The following GALNT13 variants were observed in gnomAD, a reference collection of about 807,000 sequenced individuals.
GALNT13 encodes UDP-GalNAc:polypeptide N-acetylgalactosaminyltransferase 13.
GALNT13 carries 28 observed loss-of-function variants against 64.2 expected under a neutral mutation model. The ratio of observed to expected loss-of-function variants is 0.44; its 90% CI spans 0.32 to 0.60. The LOEUF is 0.60. Ranked by LOEUF, GALNT13 falls within the 20% of genes least tolerant of loss-of-function variation. The probability of loss-of-function intolerance (pLI) is 0.05; values close to 1 mark genes in which losing one functional copy is unlikely to be tolerated. For missense variants in GALNT13, 577 were observed against 669.8 expected, an observed-to-expected ratio of 0.86 and a Z score of 1.53; for synonymous variants, 214 against 224.6, an observed-to-expected ratio of 0.95 and a Z score of 0.42.
chr2:154,328,114 T>C (rs1467913562), intron 9 of GALNT13, among the ~76,000 whole-genome samples: 1 of 152,126 alleles, frequency 6.6e-6, no homozygotes, highest in Non-Finnish European at 1.5e-5. Flanking sequence ...GTCCCCAGCA[T>C]GCTGTTTTAA....
At chr2:153,070,347 A>T in the GALNT13 span, among the ~76,000 whole-genome samples, 2 of 152,190 alleles carry the variant, frequency 1.3e-5, no homozygotes, top group African/African-American at 4.8e-5. Context: ...GTAGAGCATC[A>T]GGCATTTTTA....
the GALNT13 span, chr2:153,357,191 G>C: frequency 6.6e-6 from 1 of 152,064 alleles, no homozygotes; most frequent in African/African-American, 2.4e-5. Context: ...TGCTGTGTTA[G>C]AATTTGATGC....
At chr2:154,396,194 G>T in intron 10 of GALNT13, 64 bp downstream of exon 10, 1 of 1,094,266 alleles carries the variant, frequency 9.1e-7, no homozygotes. Flanking sequence ...TTTCTAAGGA[G>T]CTCAGTATTT....
At chr2:154,145,580 A>G (rs1175550446) in intron 4 of GALNT13, among the ~76,000 whole-genome samples, 2 of 151,994 alleles carry the variant, frequency 1.3e-5, no homozygotes, top group East Asian at 3.8e-4. Flanking sequence ...GAAAAAATTG[A>G]GAAAATAGGA....
the GALNT13 span, among the ~76,000 whole-genome samples, chr2:153,143,572 C>T: frequency 6.6e-6 from 1 of 151,970 alleles, no homozygotes; most frequent in African/African-American, 2.4e-5. Flanking sequence ...TGAAAAGTAG[C>T]CATAGTCCTT....
chr2:153,555,660 A>G, the GALNT13 span, among the ~76,000 whole-genome samples: 4 of 152,208 alleles, frequency 2.6e-5, no homozygotes, highest in Non-Finnish European at 5.9e-5. Flanking sequence ...CTGAAACATA[A>G]AATATTAAGA....
the GALNT13 span, among the ~76,000 whole-genome samples, chr2:153,393,535 C>T: frequency 6.6e-6 from 1 of 151,948 alleles, no homozygotes; most frequent in Non-Finnish European, 1.5e-5. Context: ...TACTACCACA[C>T]ATTTGGAAGC....
chr2:154,081,985 C>G (rs1483937179), intron 3 of GALNT13, among the ~76,000 whole-genome samples: 1 of 151,676 alleles, frequency 6.6e-6, no homozygotes, highest in Admixed American at 6.6e-5. Context: ...GCATAGCTTT[C>G]TAGTTCCTAG....
the GALNT13 span, among the ~76,000 whole-genome samples, chr2:153,191,638 T>C: frequency 0.43 from 64,949 of 151,816 alleles, 14,422 homozygotes; most frequent in East Asian, 0.74. Flanking sequence ...TTGAGGAGCA[T>C]TGGTACTTGT....
chr2:153,069,972 C>T, the GALNT13 span, among the ~76,000 whole-genome samples: 5 of 152,224 alleles, frequency 3.3e-5, no homozygotes, highest in South Asian at 1.0e-3. Flanking sequence ...ATACTAACTT[C>T]TTGCATAAAG....
At chr2:153,252,922 C>G in the GALNT13 span, among the ~76,000 whole-genome samples, 1 of 152,044 alleles carries the variant, frequency 6.6e-6, no homozygotes, top group East Asian at 1.9e-4. Flanking sequence ...CAGCTTTGTT[C>G]TTTTGGCTTA....
chr2:154,120,282 C>G (rs1171796951), intron 3 of GALNT13, among the ~76,000 whole-genome samples: 1 of 152,136 alleles, frequency 6.6e-6, no homozygotes, highest in Non-Finnish European at 1.5e-5. Context: ...CTGCAGTGTC[C>G]TCTGGTCAGG....
intron 9 of GALNT13, among the ~76,000 whole-genome samples, chr2:154,387,484 T>G (rs899485765): frequency 6.6e-6 from 1 of 152,130 alleles, no homozygotes; most frequent in African/African-American, 2.4e-5. Context: ...AATGCATCGT[T>G]GTTGACTATA....
the GALNT13 span, among the ~76,000 whole-genome samples, chr2:153,267,828 G>C: frequency 3.0e-4 from 45 of 152,180 alleles, no homozygotes; most frequent in Non-Finnish European, 5.4e-4. Context: ...GCATCATCAG[G>C]CTGCAAATTT....
At chr2:153,492,716 T>C in the GALNT13 span, among the ~76,000 whole-genome samples, 1 of 152,212 alleles carries the variant, frequency 6.6e-6, no homozygotes, top group African/African-American at 2.4e-5. Context: ...TAGATATTTA[T>C]GGAATGCTAC....
chr2:153,700,478 G>A, the GALNT13 span, among the ~76,000 whole-genome samples: 67 of 152,202 alleles, frequency 4.4e-4, no homozygotes, highest in African/African-American at 1.4e-3. Context: ...CATAGTACTG[G>A]AATTTCTGGC....
the GALNT13 span, among the ~76,000 whole-genome samples, chr2:153,828,419 C>T: frequency 3.9e-5 from 6 of 152,328 alleles, no homozygotes; most frequent in South Asian, 2.1e-4. Flanking sequence ...ATCATGGCTT[C>T]CATGCATCCA....
intron 3 of GALNT13, among the ~76,000 whole-genome samples, chr2:154,075,217 A>G (rs1047746369): frequency 2.6e-5 from 4 of 151,846 alleles, no homozygotes; most frequent in African/African-American, 7.2e-5. Context: ...CCCATGTGAC[A>G]TGCAATTTAC....
chr2:154,387,613 C>CT (rs1332850950), intron 9 of GALNT13, among the ~76,000 whole-genome samples: 1 of 152,126 alleles, frequency 6.6e-6, no homozygotes, highest in Non-Finnish European at 1.5e-5. Flanking sequence ...AACCATCATT[C>CT]TATTCTCTAC....
Sources: allele counts gnomAD v4.1 joint callset (sites outside exome capture counted in the v4.1 genomes callset), GRCh38; gene constraint gnomAD v4.1.1; transcripts MANE v1.5; gene names NCBI Gene and HGNC (gene_info 2026-07-23, HGNC 2026-07-21).